The following UNC5D variants were observed in gnomAD, a reference collection of about 807,000 sequenced individuals.
UNC5D encodes the protein unc-5 netrin receptor D, also known as netrin receptor UNC5D.
A neutral mutation model predicts 105.4 loss-of-function variants in UNC5D; 39 were observed. The observed-to-expected ratio is 0.37, with a 90% CI of 0.29 to 0.48. UNC5D has a LOEUF of 0.48. Among genes scored for constraint, UNC5D ranks in the 20% least tolerant of loss-of-function variants. UNC5D has a pLI of 0.98. For synonymous variants in UNC5D, 452 were observed against 450.4 expected (o/e 1.00, Z -0.04); for missense variants, 991 against 1,202.4 (o/e 0.82, Z 2.60).
intron 1 of UNC5D, among the ~76,000 whole-genome samples, chr8:35,334,237 A>G (rs1356209971): frequency 6.6e-6 from 1 of 152,216 alleles, no homozygotes; most frequent in Non-Finnish European, 1.5e-5. Flanking sequence ...AAGTAGCGTC[A>G]GTGAAAACAT....
chr8:35,313,014 TA>T (rs1809014358), intron 1 of UNC5D, among the ~76,000 whole-genome samples: 1 of 152,172 alleles, frequency 6.6e-6, no homozygotes, highest in South Asian at 2.1e-4. Flanking sequence ...GTAACCACAT[TA>T]AAATAACTCA....
chr8:35,501,574 G>A (rs1811976209), intron 1 of UNC5D, among the ~76,000 whole-genome samples: 1 of 152,170 alleles, frequency 6.6e-6, no homozygotes, highest in Non-Finnish European at 1.5e-5. Context: ...AAGGGCAGAA[G>A]GCAGATGTTA....
chr8:35,658,846 G>A (rs1823939130), intron 4 of UNC5D, among the ~76,000 whole-genome samples: 2 of 151,994 alleles, frequency 1.3e-5, no homozygotes, highest in Admixed American at 1.3e-4. Context: ...TAGTAGAGAC[G>A]GGGTTTCACC....
At chr8:35,348,902 A>G (rs1812001397) in intron 1 of UNC5D, among the ~76,000 whole-genome samples, 1 of 151,932 alleles carries the variant, frequency 6.6e-6, no homozygotes, top group Non-Finnish European at 1.5e-5. Context: ...TTAGACATGA[A>G]ATTTTAGTAA....
intron 3 of UNC5D, among the ~76,000 whole-genome samples, chr8:35,579,029 A>G (rs1818300021): frequency 6.6e-6 from 1 of 152,228 alleles, no homozygotes; most frequent in African/African-American, 2.4e-5. Context: ...TTCCTGGAAG[A>G]TGGCCATTTC....
chr8:35,523,520 T>C (rs1228887748), intron 1 of UNC5D, among the ~76,000 whole-genome samples: 1 of 151,788 alleles, frequency 6.6e-6, no homozygotes, highest in Non-Finnish European at 1.5e-5. Flanking sequence ...TAAAATCTAG[T>C]TGAAGTTTCA....
At chr8:35,684,088 G>GAGACT (rs1325051794) in intron 5 of UNC5D, among the ~76,000 whole-genome samples, 2 of 152,052 alleles carry the variant, frequency 1.3e-5, no homozygotes, top group Non-Finnish European at 2.9e-5. Flanking sequence ...GTTTTTCCTA[G>GAGACT]ACCTGCTGTC....
In UNC5D at chr8:35,549,300, A is replaced by C. The variant is rs776553039; in HGVS notation, c.112A>C (p.Asn38His). Reference protein sequence around the residue: ...AGTAAARGTDNGEALPESIPS... With the variant: ...AGTAAARGTDHGEALPESIPS... Reference sequence around the variant, plus strand: ...CTTTTTTGATTTCACAGGAACTGACAATGGCGAAGCCCTTCCCGAATCCAT... The same window carrying C: ...CTTTTTTGATTTCACAGGAACTGACCATGGCGAAGCCCTTCCCGAATCCAT... Residue 38 changes from asparagine to histidine, a missense_variant, in exon 2 of 17, where the codon AAT (asparagine) becomes CAT (histidine). Coordinates refer to ENST00000404895, the MANE Select transcript of UNC5D (RefSeq NM_080872.4). 6.2e-7 allele frequency: 1 copy of C among 1,613,022 alleles called. No homozygotes were observed. The highest frequency in any genetic ancestry group is 1.7e-5 in the Admixed American group (1 of 60,012).
rs557129913 is a variant in UNC5D, at chr8:35,471,692, G to C, written c.104-77600G>C. On this transcript the variant is annotated intron_variant, in intron 1 of 16. Transcript: ENST00000404895. ...ATGGTTAAGAAAAATAATATTCTAA[G>C]ATCTAGCAAAGCTATTGTGATGCAG... 2.0e-5 allele frequency among the ~76,000 whole-genome samples: 3 copies of C among 152,098 alleles called. 1 individual carries two copies. Among genetic ancestry groups the C allele is most frequent in the East Asian group, 3.9e-4 (2 of 5,170 alleles).
intron 1 of UNC5D, among the ~76,000 whole-genome samples, chr8:35,278,057 C>A (rs1250221707): frequency 6.6e-6 from 1 of 152,174 alleles, no homozygotes; most frequent in Non-Finnish European, 1.5e-5. Context: ...TAGCCTCCCC[C>A]TTCCTTTCCT....
intron 7 of UNC5D, among the ~76,000 whole-genome samples, chr8:35,688,499 T>C (rs1164960577): frequency 6.6e-6 from 1 of 152,176 alleles, no homozygotes; most frequent in African/African-American, 2.4e-5. Flanking sequence ...TATAGTGCCT[T>C]TATTTGCTAG....
At chr8:35,569,465 C>T (rs1423960891) in intron 3 of UNC5D, among the ~76,000 whole-genome samples, 1 of 152,140 alleles carries the variant, frequency 6.6e-6, no homozygotes, top group Non-Finnish European at 1.5e-5. Flanking sequence ...CATTTATGTT[C>T]CCAGGGGGAA....
intron 10 of UNC5D, among the ~76,000 whole-genome samples, chr8:35,729,036 A>G (rs952758689): frequency 1.3e-5 from 2 of 152,130 alleles, no homozygotes; most frequent in African/African-American, 4.8e-5. Context: ...TAGTATTTGC[A>G]TGTTTGGGCA....
At chr8:35,737,405 TTG>T (rs1338059032) in intron 11 of UNC5D, among the ~76,000 whole-genome samples, 1 of 151,640 alleles carries the variant, frequency 6.6e-6, no homozygotes, top group Admixed American at 6.6e-5. Context: ...ACTTGAGAGT[TTG>T]TGATAATAGT....
At chr8:35,655,990 A>G (rs1563636419) in intron 4 of UNC5D, among the ~76,000 whole-genome samples, 2 of 152,196 alleles carry the variant, frequency 1.3e-5, no homozygotes, top group African/African-American at 4.8e-5. Context: ...TTAATATTAA[A>G]TCTTTCTTTG....
Position 35,722,493 on chromosome 8 carries a change from C to G in UNC5D, c.1303+98C>G. 8 of 1,450,466 alleles carry G rather than the reference C, an allele frequency of 5.5e-6. No homozygotes were observed. In the East Asian group the frequency reaches 1.2e-4, roughly 21 times the overall value. The allele number at this position is 1,450,466 out of a possible 1,614,324, so 89.8% of individuals were successfully genotyped here. A position where few individuals can be genotyped will look rare whatever the true frequency, so the allele number is the denominator to read the frequency against. On this transcript the variant is annotated intron_variant, in intron 9 of 16. Transcript: ENST00000404895. ...TCCTGGGCCCTGTGTGAAGGTAGCT[C>G]TTGGCACTGGGAGCCGCTACCAAAT... is the stretch of plus-strand genomic sequence containing the variant.
intron 1 of UNC5D, among the ~76,000 whole-genome samples, chr8:35,538,862 T>A (rs752239013): frequency 6.6e-6 from 1 of 152,114 alleles, no homozygotes; most frequent in African/African-American, 2.4e-5. Context: ...GTTTGAAGCA[T>A]AAAAGTTTGA....
chr8:35,254,329 A>G (rs1168724833), intron 1 of UNC5D: 1 of 152,202 alleles, frequency 6.6e-6, no homozygotes, highest in Non-Finnish European at 1.5e-5. Flanking sequence ...TGAGATTTAT[A>G]GAGATTAGAT....
chr8:35,311,063 C>A (rs1031026587), intron 1 of UNC5D, among the ~76,000 whole-genome samples: 3 of 152,130 alleles, frequency 2.0e-5, no homozygotes, highest in African/African-American at 7.2e-5. Flanking sequence ...GGACTCAGTG[C>A]AGGAGGCCTC....
Sources: allele counts gnomAD v4.1 joint callset (sites outside exome capture counted in the v4.1 genomes callset), GRCh38; gene constraint gnomAD v4.1.1; transcripts MANE v1.5; gene names NCBI Gene and HGNC (gene_info 2026-07-23, HGNC 2026-07-21).